The following ROBO2 variants were observed in gnomAD, a reference collection of about 807,000 sequenced individuals.
ROBO2 encodes roundabout homolog 2.
Under a neutral mutation model 160.8 loss-of-function variants are expected in ROBO2, and 53 were observed. The ratio of observed to expected loss-of-function variants is 0.33; its 90% CI spans 0.26 to 0.41. ROBO2 has a LOEUF of 0.41. Among genes scored for constraint, ROBO2 ranks in the 10% least tolerant of loss-of-function variants. ROBO2 has a pLI of 1.00. For synonymous variants in ROBO2, 664 were observed against 611.7 expected (o/e 1.09, Z -1.26); for missense variants, 1,577 against 1,722.4 (o/e 0.92, Z 1.49).
chr3:76,018,681 T>C (rs2066474069), intron 2 of ROBO2, among the ~76,000 whole-genome samples: 1 of 152,016 alleles, frequency 6.6e-6, no homozygotes. Flanking sequence ...TGATAATTCC[T>C]TGGAATTGGC....
At position 77,318,197 on chromosome 3, in the gene ROBO2, G is replaced by C. The variant is rs948091987; in HGVS notation, c.389-159217G>C. Among the ~76,000 whole-genome samples, 4 of 151,842 alleles carry C rather than the reference G, an allele frequency of 2.6e-5. No homozygotes were observed. In the East Asian group the frequency reaches 5.8e-4, roughly 22 times the overall value. ...TGAGTAGCTAGAATCACAGGCACCT[G>C]CTATTTTTGTATTTTTAGTAGAGAT... On this transcript the variant is annotated intron_variant, in intron 2 of 25. Coordinates refer to ENST00000461745, the Ensembl canonical transcript of ROBO2.
At chr3:76,212,248 G>A (rs907450171) in intron 2 of ROBO2, among the ~76,000 whole-genome samples, 14 of 151,972 alleles carry the variant, frequency 9.2e-5, no homozygotes, top group East Asian at 1.9e-4. Context: ...TAATGGGGAC[G>A]TGTAAATAAC....
At chr3:77,142,162 A>T (rs908839649) in intron 2 of ROBO2, among the ~76,000 whole-genome samples, 1 of 152,144 alleles carries the variant, frequency 6.6e-6, no homozygotes, top group Non-Finnish European at 1.5e-5. Context: ...TTCCATATAT[A>T]TACCCAAATC....
intron 2 of ROBO2, among the ~76,000 whole-genome samples, chr3:76,262,125 T>C (rs1706807535): frequency 6.6e-6 from 1 of 152,156 alleles, no homozygotes. Context: ...CAGTCTCTCT[T>C]ACCTTTGCAT....
At chr3:76,058,512 TTGA>T (rs2067936671) in intron 2 of ROBO2, among the ~76,000 whole-genome samples, 1 of 151,628 alleles carries the variant, frequency 6.6e-6, no homozygotes, top group African/African-American at 2.4e-5. Context: ...TGCGACCTAA[TTGA>T]TGAAATAGGT....
rs929606993 is a variant in ROBO2 at position 77,522,994 on chromosome 3, T to G, written c.934+92T>G. On this transcript the variant is annotated intron_variant, in intron 6 of 25. Coordinates refer to ENST00000461745, the Ensembl canonical transcript of ROBO2. ...AACTTACGATCAAAATAATGAATTATGCTGTTTTGTTGTACTAAAATGCCT... is the reference window on the plus strand; with the variant it reads ...AACTTACGATCAAAATAATGAATTAGGCTGTTTTGTTGTACTAAAATGCCT... 3.4e-6 allele frequency: 5 copies of G among 1,483,280 alleles called. No homozygotes were observed. In the Admixed American group the frequency reaches 8.4e-5, roughly 25 times the overall value. The allele number at this position is 1,483,280 out of a possible 1,614,324, so 91.9% of individuals were successfully genotyped here.
intron 2 of ROBO2, among the ~76,000 whole-genome samples, chr3:76,963,095 G>A (rs149082897): frequency 4.7e-4 from 72 of 152,150 alleles, no homozygotes; most frequent in African/African-American, 1.6e-3. Context: ...AGAAAAGTTT[G>A]TTTAAAATAT....
At chr3:75,982,805 G>T (rs973500049) in intron 2 of ROBO2, among the ~76,000 whole-genome samples, 1 of 151,356 alleles carries the variant, frequency 6.6e-6, no homozygotes, top group Non-Finnish European at 1.5e-5. Context: ...CAGCTTAAGA[G>T]CATTTTAATG....
chr3:76,448,721 C>T (rs1192139405), intron 2 of ROBO2, among the ~76,000 whole-genome samples: 1 of 152,040 alleles, frequency 6.6e-6, no homozygotes, highest in Non-Finnish European at 1.5e-5. Context: ...TTTATTAGGC[C>T]CTTACTCTGA....
At chr3:77,092,331 T>C (rs1412035062) in intron 1 of ROBO2, among the ~76,000 whole-genome samples, 1 of 151,780 alleles carries the variant, frequency 6.6e-6, no homozygotes, top group South Asian at 2.1e-4. Context: ...CATTCTTTAC[T>C]TGGTGCTCCA....
chr3:76,215,270 G>C (rs956415463), intron 2 of ROBO2, among the ~76,000 whole-genome samples: 6 of 152,166 alleles, frequency 3.9e-5, no homozygotes, highest in African/African-American at 1.4e-4. Context: ...TCCTCCAAAG[G>C]AATGCAGCTC....
At chr3:77,467,017 G>A (rs1259795144) in intron 2 of ROBO2, among the ~76,000 whole-genome samples, 1 of 152,170 alleles carries the variant, frequency 6.6e-6, no homozygotes, top group Non-Finnish European at 1.5e-5. Context: ...TGTGAACTGT[G>A]CAGTGGAATG....
intron 2 of ROBO2, among the ~76,000 whole-genome samples, chr3:76,070,166 A>G (rs2068398496): frequency 6.6e-6 from 1 of 152,222 alleles, no homozygotes; most frequent in Admixed American, 6.5e-5. Flanking sequence ...GTGTTTAGGA[A>G]ACAACAGAGA....
At chr3:77,333,335 A>G (rs946921834) in intron 2 of ROBO2, among the ~76,000 whole-genome samples, 1 of 152,200 alleles carries the variant, frequency 6.6e-6, no homozygotes, top group Non-Finnish European at 1.5e-5. Flanking sequence ...TATTTCTAAC[A>G]TTACACTTAG....
At position 76,462,296 on chromosome 3, in the gene ROBO2, T is replaced by C. The variant is rs535363133; in HGVS notation, c.109+524694T>C. On this transcript the variant is annotated intron_variant, in intron 2 of 26. Transcript: ENST00000487694. Reference sequence around the variant, plus strand: ...TCTTCAGGCTTACTCACCGAGCTCTTTCCCCTCAATTTCTAATTTGAATTT... The same window carrying C: ...TCTTCAGGCTTACTCACCGAGCTCTCTCCCCTCAATTTCTAATTTGAATTT... Among the ~76,000 whole-genome samples the C allele has an allele frequency of 7.2e-5, 11 of 152,298 alleles. No homozygotes were observed. In the East Asian group the frequency reaches 1.9e-3, roughly 27 times the overall value.
At chr3:76,223,777 G>T (rs958568466) in intron 2 of ROBO2, among the ~76,000 whole-genome samples, 1 of 152,134 alleles carries the variant, frequency 6.6e-6, no homozygotes, top group Admixed American at 6.6e-5. Context: ...CCCTTGATCT[G>T]GGATTTAGAA....
At chr3:75,959,583 C>A (rs1948838623) in intron 2 of ROBO2, among the ~76,000 whole-genome samples, 1 of 151,704 alleles carries the variant, frequency 6.6e-6, no homozygotes, top group African/African-American at 2.4e-5. Context: ...CAGTATTACA[C>A]TTGCTTATGT....
At chr3:77,088,205 A>G (rs528450661) in intron 1 of ROBO2, among the ~76,000 whole-genome samples, 1 of 152,308 alleles carries the variant, frequency 6.6e-6, no homozygotes, top group East Asian at 1.9e-4. Flanking sequence ...ATTTCTGTTA[A>G]TGGTAGATAA....
At chr3:76,899,233 T>G (rs961198822) in intron 2 of ROBO2, among the ~76,000 whole-genome samples, 2 of 152,142 alleles carry the variant, frequency 1.3e-5, no homozygotes, top group Non-Finnish European at 2.9e-5. Flanking sequence ...TTCACAATTT[T>G]TTTTCAACTG....
Sources: allele counts gnomAD v4.1 joint callset (sites outside exome capture counted in the v4.1 genomes callset), GRCh38; gene constraint gnomAD v4.1.1; transcripts MANE v1.5; gene names NCBI Gene and HGNC (gene_info 2026-07-23, HGNC 2026-07-21).